FBXO38: variants seen among roughly 807,000 people sequenced by gnomAD.
The protein encoded by FBXO38 is F-box protein 38.
Under a neutral mutation model 131.9 loss-of-function variants are expected in FBXO38, and 53 were observed. The observed-to-expected ratio is 0.40, with a 90% CI of 0.32 to 0.51. The LOEUF (loss-of-function observed/expected upper bound fraction) is 0.51. FBXO38 is among the 20% of genes least tolerant of loss of function. The pLI is 0.53. For synonymous variants in FBXO38, 452 were observed against 505.6 expected (o/e 0.89, Z 1.42); for missense variants, 1,076 against 1,475.6 (o/e 0.73, Z 4.44).
At chr5:148,398,405 G>A (rs183955724) in intron 2 of FBXO38, among the ~76,000 whole-genome samples, 28 of 150,314 alleles carry the variant, frequency 1.9e-4, no homozygotes, top group African/African-American at 4.2e-4. Context: ...AATACTTTAC[G>A]CAATACTTTT....
chr5:148,418,018 G>A (rs1409277879), intron 12 of FBXO38, among the ~76,000 whole-genome samples: 1 of 152,138 alleles, frequency 6.6e-6, no homozygotes, highest in African/African-American at 2.4e-5. Context: ...GGGGCACTCT[G>A]AGTATACAGT....
rs775012225 is a variant in FBXO38 at position 148,414,149 on chromosome 5, T to G, written c.1107T>G (p.Asn369Lys). The change falls in exon 10 of 22, where the codon AAT (asparagine) becomes AAG (lysine). Residue 369 changes from asparagine (N) to lysine (K), a missense_variant. By Grantham distance (94) the Asn-to-Lys change is moderately conservative (BLOSUM62 0). Around this residue, in one of 8 missense-constraint regions of FBXO38, gnomAD observed 146 missense variants for 274.3 expected, o/e 0.53. Transcript: ENST00000340253. Reference protein sequence around the residue: ...DEFLLQSRMANADLVKYGLAD... With the variant: ...DEFLLQSRMAKADLVKYGLAD... ...TGCTCTTTTTAGGCAGAATGGCTAA[T>G]GCGGATCTGGTGAAGTATGGTTTGG... 1 of 1,607,402 alleles carries G rather than the reference T, an allele frequency of 6.2e-7. No homozygotes were observed. The highest frequency in any genetic ancestry group is 1.7e-5 in the Admixed American group (1 of 59,038).
At chr5:148,411,663 C>T (rs1752765164) in intron 9 of FBXO38, among the ~76,000 whole-genome samples, 1 of 152,004 alleles carries the variant, frequency 6.6e-6, no homozygotes, top group South Asian at 2.1e-4. Flanking sequence ...TCACAGTACT[C>T]ATTAATATAG....
chr5:148,424,184 A>G, intron 13 of FBXO38, 67 bp downstream of exon 13: 1 of 1,484,356 alleles, frequency 6.7e-7, no homozygotes, highest in Non-Finnish European at 9.1e-7. Context: ...GAAGTACATG[A>G]GACAGCGAGA....
At chr5:148,392,358 A>G (rs1306229836) in intron 1 of FBXO38, among the ~76,000 whole-genome samples, 1 of 152,162 alleles carries the variant, frequency 6.6e-6, no homozygotes, top group African/African-American at 2.4e-5. Context: ...GAATTCAGTA[A>G]AACACATTAG....
At chr5:148,424,352 G>A (rs891992198) in intron 13 of FBXO38, among the ~76,000 whole-genome samples, 5 of 152,146 alleles carry the variant, frequency 3.3e-5, no homozygotes, top group African/African-American at 1.2e-4. Flanking sequence ...TTATAGCCAC[G>A]TGTGCATGAG....
At chr5:148,433,894 T>C in intron 17 of FBXO38, 157 bp downstream of exon 17, 1 of 480,866 alleles carries the variant, frequency 2.1e-6, no homozygotes, top group Non-Finnish European at 3.7e-6. Flanking sequence ...TCTCAAATTA[T>C]TACTCCATAG....
intron 3 of FBXO38, 40 bp downstream of exon 3, chr5:148,399,172 T>C: frequency 1.2e-6 from 2 of 1,602,164 alleles, no homozygotes; most frequent in Non-Finnish European, 1.7e-6. Context: ...AGTGTCCTAC[T>C]GGAAAGTAGT....
chr5:148,419,352 A>AAC (rs968311354), intron 12 of FBXO38, among the ~76,000 whole-genome samples: 7 of 151,790 alleles, frequency 4.6e-5, no homozygotes, highest in Non-Finnish European at 1.0e-4. Context: ...ACACACACAC[A>AAC]ACACACACAC....
Position 148,442,229 on chromosome 5 carries a change from G to A in FBXO38, c.*82G>A, listed in dbSNP as rs1754727300. On this transcript the variant is annotated 3_prime_UTR_variant, in exon 22 of 22. Coordinates refer to ENST00000340253, the MANE Select transcript of FBXO38 (RefSeq NM_205836.3). ...GCCAGAGTGCTCCACAGGGACTTGA[G>A]GCATGCAGTTGGGAGGTCCTGGCTC... The A allele has an allele frequency of 2.9e-6, 4 of 1,369,438 alleles. No homozygotes were observed. The highest frequency in any genetic ancestry group is 1.3e-5 in the South Asian group (1 of 76,798). 84.8% of individuals were successfully genotyped at this position (1,369,438 alleles called of 1,614,324 possible).
chr5:148,393,499 T>C (rs1420835505), intron 1 of FBXO38, among the ~76,000 whole-genome samples: 4 of 152,172 alleles, frequency 2.6e-5, no homozygotes, highest in Admixed American at 2.6e-4. Context: ...CCTTCAGTTA[T>C]GGGCTCAATT....
At chr5:148,394,987 C>T in intron 2 of FBXO38, 83 bp downstream of exon 2, 1 of 1,214,116 alleles carries the variant, frequency 8.2e-7, no homozygotes, top group Non-Finnish European at 1.1e-6. Flanking sequence ...TGGTAGCTAC[C>T]AGCTACATGC....
chr5:148,404,660 G>T (rs368625511), intron 5 of FBXO38, 25 bp from the exon 6 acceptor site: 3 of 1,506,690 alleles, frequency 2.0e-6, no homozygotes, highest in Admixed American at 2.4e-5. Flanking sequence ...TTTCTTGTTT[G>T]TTCTTTTTTA....
chr5:148,388,105 T>C (rs1272960057), intron 1 of FBXO38, among the ~76,000 whole-genome samples: 2 of 152,230 alleles, frequency 1.3e-5, no homozygotes, highest in Admixed American at 6.5e-5. Flanking sequence ...ATTAATCTCC[T>C]TGTGTATCTA....
chr5:148,430,834 AATAAC>A (rs1754007574), intron 15 of FBXO38: 1 of 152,214 alleles, frequency 6.6e-6, no homozygotes, highest in South Asian at 2.1e-4. Context: ...TTTGGGAATA[AATAAC>A]TAAGTTGCTT....
intron 1 of FBXO38, among the ~76,000 whole-genome samples, chr5:148,392,581 T>TTGTCTG (rs1554077173): frequency 7.0e-6 from 1 of 141,856 alleles, no homozygotes; most frequent in East Asian, 2.1e-4. Context: ...TTGCTTTTCT[T>TTGTCTG]TGTGTGTGTG....
At chr5:148,440,963 C>T (rs183607363) in intron 20 of FBXO38, among the ~76,000 whole-genome samples, 161 bp from the exon 21 acceptor site, 14 of 152,246 alleles carry the variant, frequency 9.2e-5, no homozygotes, top group East Asian at 5.8e-4. Context: ...AAACATAAAA[C>T]GTAAACAGAA....
At chr5:148,435,960 T>A (rs1449529682) in intron 17 of FBXO38, among the ~76,000 whole-genome samples, 1 of 152,038 alleles carries the variant, frequency 6.6e-6, no homozygotes, top group Non-Finnish European at 1.5e-5. Flanking sequence ...CACACAACAT[T>A]TATTAAGTTC....
Position 148,427,889 on chromosome 5 carries a change from G to A in FBXO38, c.2595G>A (p.Arg865=). 1.3e-6 allele frequency: 2 copies of A among 1,551,760 alleles called. No individual in the cohort carries two copies. The highest frequency in any genetic ancestry group is 1.7e-6 in the Non-Finnish European group (2 of 1,151,816). ...CDVQSNEDYP[R]RPLTRARSRL... is the part of the protein sequence containing the mutation. Reference sequence around the variant, plus strand: ...TGCAGTCTAATGAAGACTACCCTCGGAGGCCCCTAACCAGGGCCAGGAGCA... The same window carrying A: ...TGCAGTCTAATGAAGACTACCCTCGAAGGCCCCTAACCAGGGCCAGGAGCA... The change falls in exon 15 of 22, where the codon CGG becomes CGA. Residue 865 remains arginine, a synonymous_variant. Transcript: ENST00000340253.
Sources: gnomAD v4.1 joint callset for allele counts (sites outside exome capture counted in the v4.1 genomes callset) on GRCh38, gnomAD v4.1.1 for gene constraint, gnomAD v4.1.1 regional missense constraint, MANE v1.5 for transcripts, NCBI Gene and HGNC (gene_info 2026-07-23, HGNC 2026-07-21) for gene names.